Variants in FAM13B observed in about 807,000 individuals in gnomAD.
FAM13B encodes family with sequence similarity 13 member B.
In FAM13B, 60 loss-of-function variants were observed where a neutral mutation model predicts 117.3. The observed-to-expected ratio is 0.51, with a 90% CI of 0.42 to 0.63. The LOEUF (loss-of-function observed/expected upper bound fraction) is 0.63. FAM13B is among the 30% of genes least tolerant of loss of function. The pLI, the probability that FAM13B is intolerant of heterozygous loss-of-function variation, is 0.00. For synonymous variants in FAM13B, 332 were observed against 356.1 expected (o/e 0.93, Z 0.76); for missense variants, 972 against 1,091.9 (o/e 0.89, Z 1.55).
At chr5:137,990,783 C>G (rs1581190271) in intron 7 of FAM13B, among the ~76,000 whole-genome samples, 1 of 151,734 alleles carries the variant, frequency 6.6e-6, no homozygotes, top group East Asian at 1.9e-4. Context: ...AGCGAGACCC[C>G]CATCTCAAAA....
chr5:138,040,789 C>T (rs1042996659), intron 1 of FAM13B, among the ~76,000 whole-genome samples: 1 of 152,038 alleles, frequency 6.6e-6, no homozygotes, highest in African/African-American at 2.4e-5. Context: ...TTAGGCCGGG[C>T]ACAGTGGCTC....
chr5:138,035,089 T>A (rs1791022552), upstream of FAM13B, among the ~76,000 whole-genome samples: 1 of 138,786 alleles, frequency 7.2e-6, no homozygotes, highest in African/African-American at 2.7e-5. Flanking sequence ...TATGGCTCAA[T>A]ACAGCCTCAA....
At chr5:137,968,461 C>A (rs987217250) in intron 10 of FAM13B, among the ~76,000 whole-genome samples, 2 of 149,444 alleles carry the variant, frequency 1.3e-5, no homozygotes, top group African/African-American at 2.5e-5. Context: ...AAAAAAAATT[C>A]TTAAGATTAA....
At chr5:138,012,000 T>C in intron 4 of FAM13B, 55 bp from the exon 5 acceptor site, 3 of 1,335,370 alleles carry the variant, frequency 2.2e-6, no homozygotes, top group Non-Finnish European at 3.1e-6. Context: ...AAAGCTCTGA[T>C]ATTTTGCCAG....
intron 1 of FAM13B, chr5:138,039,442 G>T (rs1581327762): frequency 6.6e-6 from 1 of 152,122 alleles, no homozygotes; most frequent in Admixed American, 6.6e-5. Context: ...GACCAGCCAA[G>T]TTGCTTCTCA....
intron 17 of FAM13B, among the ~76,000 whole-genome samples, chr5:137,949,617 T>C (rs1335164079): frequency 6.6e-6 from 1 of 152,060 alleles, no homozygotes; most frequent in Non-Finnish European, 1.5e-5. Context: ...CCGTCTCTAC[T>C]AAAAATACAA....
At chr5:137,943,706 C>A (rs1386384807) in intron 20 of FAM13B, among the ~76,000 whole-genome samples, 1 of 152,060 alleles carries the variant, frequency 6.6e-6, no homozygotes, top group Admixed American at 6.5e-5. Flanking sequence ...AGTTGTACCA[C>A]CACACTCCAG....
At chr5:138,019,382 A>T (rs1397883936) in intron 2 of FAM13B, among the ~76,000 whole-genome samples, 6 of 152,266 alleles carry the variant, frequency 3.9e-5, no homozygotes, top group African/African-American at 1.4e-4. Context: ...CTTATCAAAC[A>T]ATAGCAAAGT....
At chr5:137,966,484 T>TAGAGAGAGAGAGAGAG (rs1203408763) in intron 10 of FAM13B, among the ~76,000 whole-genome samples, 12 of 50,600 alleles carry the variant, frequency 2.4e-4, no homozygotes, top group East Asian at 1.2e-3. Context: ...TATATATATA[T>TAGAGAGAGAGAGAGAG]ATATAGAGAG....
In FAM13B at chr5:137,949,084, A is replaced by G. The variant is rs1347759638; in HGVS notation, c.2031T>C (p.Asp677=). 6.2e-7 allele frequency: 1 copy of G among 1,613,918 alleles called. No individual in the cohort carries two copies. The highest frequency in any genetic ancestry group is 1.1e-5 in the South Asian group (1 of 91,070). Residue 677 remains aspartate (D), a synonymous_variant, in exon 18 of 24, where the codon GAT becomes GAC. Transcript: ENST00000689681. ...CCTTGGGTTCATCTTCATTCTCTTC[A>G]TCTTCATGGTCTAGAGAAGAGCCAA... is the stretch of plus-strand genomic sequence containing the variant. ...KSFGSSLDHE[D]EENEDEPKVI... is the part of the protein sequence containing the mutation.
intron 10 of FAM13B, among the ~76,000 whole-genome samples, chr5:137,978,532 T>G (rs1774695698): frequency 6.6e-6 from 1 of 152,198 alleles, no homozygotes; most frequent in Non-Finnish European, 1.5e-5. Flanking sequence ...CATTAGACTT[T>G]TAACCACCCT....
intron 20 of FAM13B, 108 bp from the exon 21 acceptor site, chr5:137,943,324 A>C: frequency 1.2e-6 from 1 of 852,306 alleles, no homozygotes; most frequent in Non-Finnish European, 1.8e-6. Flanking sequence ...TCAAAATCTT[A>C]AACATTTGCT....
intron 13 of FAM13B, among the ~76,000 whole-genome samples, 179 bp downstream of exon 13, chr5:137,959,437 C>A (rs1374393372): frequency 1.3e-5 from 2 of 152,262 alleles, no homozygotes; most frequent in African/African-American, 4.8e-5. Flanking sequence ...TGAGATGCTG[C>A]CCCAAAATCT....
At chr5:137,993,315 G>A (rs1779104383) in intron 7 of FAM13B, among the ~76,000 whole-genome samples, 1 of 152,064 alleles carries the variant, frequency 6.6e-6, no homozygotes. Flanking sequence ...GCCCATTTCT[G>A]TAGTATGATT....
In FAM13B at chr5:137,953,480, A is replaced by G. The variant is rs1433193002; in HGVS notation, c.1719-15T>C. 6.2e-7 allele frequency: 1 copy of G among 1,612,956 alleles called. No homozygotes were observed. The highest frequency in any genetic ancestry group is 1.3e-5 in the African/African-American group (1 of 74,992). On this transcript the variant is annotated splice_polypyrimidine_tract_variant and intron_variant, in intron 15 of 23. Coordinates refer to ENST00000689681, the MANE Select transcript of FAM13B (RefSeq NM_001385994.1). ...ATCTTCGAATTCTGAATTAAAACAA[A>G]AGGCCAACACTGTTAAATTTTCAAG...
intron 10 of FAM13B, among the ~76,000 whole-genome samples, chr5:137,962,805 G>A (rs1315265610): frequency 6.6e-6 from 1 of 151,906 alleles, no homozygotes; most frequent in Admixed American, 6.6e-5. Context: ...TTTCTCCTCA[G>A]CTACAAAGAT....
At chr5:137,958,814 C>T (rs1767301685) in intron 13 of FAM13B, among the ~76,000 whole-genome samples, 1 of 152,174 alleles carries the variant, frequency 6.6e-6, no homozygotes, top group African/African-American at 2.4e-5. Flanking sequence ...CACAATCTAC[C>T]ATTAACATTC....
chr5:138,050,950 ATTAT>A (rs982272542), intron 1 of FAM13B, among the ~76,000 whole-genome samples: 3 of 152,210 alleles, frequency 2.0e-5, no homozygotes, highest in African/African-American at 7.2e-5. Context: ...GGCACCAAAA[ATTAT>A]AATACATAGT....
At chr5:138,035,076 G>A (rs992517136), upstream of FAM13B, among the ~76,000 whole-genome samples, 1 of 131,970 alleles carries the variant, frequency 7.6e-6, no homozygotes, top group African/African-American at 2.9e-5. Context: ...CCAGTGTCTG[G>A]ATTATGGCTC....
Sources: allele counts gnomAD v4.1 joint callset (sites outside exome capture counted in the v4.1 genomes callset), GRCh38; gene constraint gnomAD v4.1.1; transcripts MANE v1.5; gene names NCBI Gene and HGNC (gene_info 2026-07-23, HGNC 2026-07-21).